Variants in HIP1 observed in about 807,000 individuals in gnomAD.
The protein encoded by HIP1 is huntingtin interacting protein 1.
HIP1 carries 65 observed loss-of-function variants against 147.6 expected under a neutral mutation model. The ratio of observed to expected loss-of-function variants is 0.44; its 90% CI spans 0.36 to 0.54. HIP1 has a LOEUF of 0.54. HIP1 is among the 20% of genes least tolerant of loss of function. The pLI, the probability that HIP1 is intolerant of heterozygous loss-of-function variation, is 0.00. For synonymous variants in HIP1, 479 were observed against 504.0 expected (o/e 0.95, Z 0.67); for missense variants, 1,061 against 1,299.6 (o/e 0.82, Z 2.82).
At chr7:75,663,033 C>T (rs1474535436) in intron 1 of HIP1, among the ~76,000 whole-genome samples, 4 of 152,140 alleles carry the variant, frequency 2.6e-5, no homozygotes, top group Non-Finnish European at 4.4e-5. Context: ...GCCACAGTTG[C>T]CCATCTGATA....
intron 1 of HIP1, among the ~76,000 whole-genome samples, chr7:75,606,299 G>T (rs1206462089): frequency 2.0e-5 from 3 of 152,174 alleles, no homozygotes; most frequent in African/African-American, 4.8e-5. Context: ...ACAGCAGAAG[G>T]ATGCATCCAT....
chr7:75,657,630 C>G (rs904392348), intron 1 of HIP1, among the ~76,000 whole-genome samples: 6 of 150,994 alleles, frequency 4.0e-5, no homozygotes, highest in African/African-American at 9.7e-5. Context: ...GTGCATTAAA[C>G]AGAAAAGAAA....
At chr7:75,687,187 C>T (rs1321154808) in intron 1 of HIP1, among the ~76,000 whole-genome samples, 1 of 152,128 alleles carries the variant, frequency 6.6e-6, no homozygotes, top group Non-Finnish European at 1.5e-5. Context: ...TCCTCGACCA[C>T]TCTGAGGCTG....
Position 75,706,086 on chromosome 7 carries a change from G to A in HIP1, c.120+32715C>T, listed in dbSNP as rs559378732. Reference sequence around the variant, plus strand: ...TTTTTTGTATTTTTAGTAGAGATGGGGTTTCACCATATTGGCCAGGCTGGT... The same window carrying A: ...TTTTTTGTATTTTTAGTAGAGATGGAGTTTCACCATATTGGCCAGGCTGGT... On this transcript the variant is annotated intron_variant, in intron 1 of 30. Coordinates refer to ENST00000336926, the MANE Select transcript of HIP1 (RefSeq NM_005338.7). Among the ~76,000 whole-genome samples, 251 of 152,026 alleles carry A rather than the reference G, an allele frequency of 1.7e-3. 1 individual carries two copies. Among genetic ancestry groups the A allele is most frequent in the Middle Eastern group, 6.8e-3 (2 of 294 alleles).
At chr7:75,598,511 A>G (rs2117003348) in intron 2 of HIP1, among the ~76,000 whole-genome samples, 1 of 151,746 alleles carries the variant, frequency 6.6e-6, no homozygotes, top group Non-Finnish European at 1.5e-5. Flanking sequence ...TGTTCCTGTA[A>G]AGGCAAAGAA....
chr7:75,614,710 G>A (rs1229871948), intron 1 of HIP1, among the ~76,000 whole-genome samples: 1 of 151,944 alleles, frequency 6.6e-6, no homozygotes, highest in Non-Finnish European at 1.5e-5. Context: ...TGTTACAATA[G>A]CGAATTTCAT....
intron 1 of HIP1, among the ~76,000 whole-genome samples, chr7:75,607,544 A>C (rs1343051528): frequency 4.0e-5 from 6 of 151,202 alleles, no homozygotes; most frequent in African/African-American, 1.5e-4. Flanking sequence ...AAAAAAAAAA[A>C]AAAAAAAATT....
At chr7:75,639,369 A>T (rs547191164) in intron 1 of HIP1, 72 of 191,198 alleles carry the variant, frequency 3.8e-4, no homozygotes, top group Non-Finnish European at 5.9e-4. Flanking sequence ...GCCCCCGGGG[A>T]CCGGGAAATC....
intron 7 of HIP1, 91 bp downstream of exon 7, chr7:75,581,146 C>G (rs1796026014): frequency 4.1e-6 from 4 of 964,990 alleles, no homozygotes; most frequent in Non-Finnish European, 6.5e-6. Context: ...ATTTTCCTAC[C>G]CCTTGTGCTG....
chr7:75,567,522 G>A (rs921084362), intron 9 of HIP1, among the ~76,000 whole-genome samples: 1 of 151,484 alleles, frequency 6.6e-6, no homozygotes, highest in African/African-American at 2.5e-5. Flanking sequence ...ATAACCTCAG[G>A]TCGGGTGCAG....
intron 4 of HIP1, among the ~76,000 whole-genome samples, chr7:75,591,855 T>C (rs1490789841): frequency 1.3e-5 from 2 of 152,218 alleles, no homozygotes; most frequent in Middle Eastern, 3.4e-3. Flanking sequence ...GGAACTTTCC[T>C]GAAGCGTCCA....
intron 1 of HIP1, among the ~76,000 whole-genome samples, chr7:75,602,331 T>C (rs1409212218): frequency 1.0e-3 from 123 of 122,546 alleles, no homozygotes; most frequent in Admixed American, 2.5e-3. Context: ...TTTTTTTTTT[T>C]TCAAAAGAGA....
At chr7:75,713,095 C>A (rs938288405) in intron 1 of HIP1, among the ~76,000 whole-genome samples, 1 of 152,210 alleles carries the variant, frequency 6.6e-6, no homozygotes, top group Non-Finnish European at 1.5e-5. Context: ...GCAGAGAAGA[C>A]ACAAACCAGG....
At chr7:75,557,794 G>T in intron 15 of HIP1, 24 bp from the exon 16 acceptor site, 1 of 1,544,614 alleles carries the variant, frequency 6.5e-7, no homozygotes, top group Non-Finnish European at 9.0e-7. Context: ...ACAGTGTCTT[G>T]AACCAGGAGA....
Position 75,559,913 on chromosome 7 carries a change from G to C in HIP1, c.1194C>G (p.Ser398Arg). ...KAQLENMKTE[S>R]QRVVLQLKGH... ...CCTTCAGCTGCAGCACAACCCGCTG[G>C]CTCTGTGGGGGGACTCCGGTCATGA... The change falls in exon 14 of 31, where the codon AGC (serine) becomes AGG (arginine). Residue 398 changes from serine to arginine, a missense_variant and splice_region_variant. Transcript: ENST00000336926. The C allele has an allele frequency of 1.9e-6, 3 of 1,598,952 alleles. No individual in the cohort carries two copies. The highest frequency in any genetic ancestry group is 2.6e-6 in the Non-Finnish European group (3 of 1,174,628).
Position 75,581,268 on chromosome 7 carries a change from G to A in HIP1, c.573C>T (p.Tyr191=). ...GGAAGAGGTTGAGTTCACACTCCAG[G>A]TAGTCAAACATCTCCACTGTTAACT... ...FFQLTVEMFD[Y]LECELNLFQT... The change falls in exon 7 of 31, where the codon TAC becomes TAT. Residue 191 remains tyrosine, a synonymous_variant. Transcript: ENST00000336926. 1 of 1,611,880 alleles carries A rather than the reference G, an allele frequency of 6.2e-7. No individual in the cohort carries two copies. Among genetic ancestry groups the A allele is most frequent in the Non-Finnish European group, 8.5e-7 (1 of 1,178,918 alleles).
At chr7:75,648,492 G>C (rs1798874999) in intron 1 of HIP1, among the ~76,000 whole-genome samples, 1 of 152,112 alleles carries the variant, frequency 6.6e-6, no homozygotes, top group South Asian at 2.1e-4. Flanking sequence ...CACTGCTGTT[G>C]CCCCGATATT....
At chr7:75,640,284 G>C (rs1249571923) in intron 1 of HIP1, among the ~76,000 whole-genome samples, 1 of 152,200 alleles carries the variant, frequency 6.6e-6, no homozygotes, top group Non-Finnish European at 1.5e-5. Context: ...AGGAAACTGA[G>C]ATCCAGAGAG....
intron 5 of HIP1, 133 bp downstream of exon 5, chr7:75,586,620 C>T: frequency 6.0e-6 from 4 of 663,634 alleles, no homozygotes; most frequent in South Asian, 1.8e-5. Flanking sequence ...AGCTTGGGTA[C>T]ATGATGTGCA....
Sources: gnomAD v4.1 joint callset for allele counts (sites outside exome capture counted in the v4.1 genomes callset) on GRCh38, gnomAD v4.1.1 for gene constraint, MANE v1.5 for transcripts, NCBI Gene and HGNC (gene_info 2026-07-23, HGNC 2026-07-21) for gene names.